Variants in KCNIP4 observed in about 807,000 individuals in gnomAD.
KCNIP4 encodes the protein Kv channel-interacting protein 4.
A neutral mutation model predicts 34.0 loss-of-function variants in KCNIP4; 12 were observed. The observed-to-expected ratio is 0.35, with a 90% CI of 0.23 to 0.57. KCNIP4 has a LOEUF of 0.57. Ranked by LOEUF, KCNIP4 falls within the 20% of genes least tolerant of loss-of-function variation. The probability of loss-of-function intolerance (pLI) is 0.83; values close to 1 mark genes in which losing one functional copy is unlikely to be tolerated. For missense variants in KCNIP4, 238 were observed against 311.7 expected (o/e 0.76, Z 1.78); for synonymous variants, 124 against 102.2 (o/e 1.21, Z -1.29).
chr4:20,846,923 C>T (rs1386993833), intron 3 of KCNIP4, among the ~76,000 whole-genome samples: 1 of 152,122 alleles, frequency 6.6e-6, no homozygotes, highest in African/African-American at 2.4e-5. Flanking sequence ...AGCATAGTAG[C>T]CACTATTTTT....
chr4:21,238,992 A>AACCAAAACAGCATGGTACTGGT (rs1759587276), intron 1 of KCNIP4, among the ~76,000 whole-genome samples: 1 of 152,184 alleles, frequency 6.6e-6, no homozygotes, highest in Admixed American at 6.5e-5. Context: ...AGGCTACAGT[A>AACCAAAACAGCATGGTACTGGT]ACCAAAACAG....
chr4:21,755,483 G>C (rs977754942), intron 1 of KCNIP4, among the ~76,000 whole-genome samples: 3 of 152,082 alleles, frequency 2.0e-5, no homozygotes, highest in African/African-American at 7.2e-5. Flanking sequence ...TTACCCCCGG[G>C]GCAACTGAAA....
At chr4:21,881,918 T>C in intron 1 of KCNIP4, among the ~76,000 whole-genome samples, 1 of 152,130 alleles carries the variant, frequency 6.6e-6, no homozygotes, top group Admixed American at 6.6e-5. Context: ...TCATTTACTA[T>C]AGACCCGTAT....
At chr4:20,830,069 T>A (rs1244439150) in intron 3 of KCNIP4, among the ~76,000 whole-genome samples, 1 of 152,196 alleles carries the variant, frequency 6.6e-6, no homozygotes, top group African/African-American at 2.4e-5. Context: ...TGTCAATCCA[T>A]TCTTCTGAAT....
intron 1 of KCNIP4, among the ~76,000 whole-genome samples, chr4:21,259,489 A>T (rs9998813): frequency 0.18 from 26,828 of 152,060 alleles, 3,775 homozygotes; most frequent in African/African-American, 0.39. Flanking sequence ...TTTTTACACC[A>T]TTTAATCCTA....
chr4:21,420,952 A>T (rs1411604492), intron 1 of KCNIP4, among the ~76,000 whole-genome samples: 4 of 152,210 alleles, frequency 2.6e-5, no homozygotes, highest in African/African-American at 7.2e-5. Flanking sequence ...CAAGATAACA[A>T]AAAGCATGAT....
chr4:21,063,802 T>C (rs538250701), intron 1 of KCNIP4, among the ~76,000 whole-genome samples: 13 of 152,240 alleles, frequency 8.5e-5, no homozygotes, highest in South Asian at 2.1e-4. Context: ...AAGATGGTTA[T>C]TTTAGAGATT....
rs78546331 is a variant in KCNIP4 at position 21,178,691 on chromosome 4, C to T, written c.62-295982G>A. ...ACTGCCTATTCTAAGTGTTTGCTTC[C>T]TCCTGTCCTGTCGTCAGCCATATTT... On this transcript the variant is annotated intron_variant, in intron 1 of 8. Transcript: ENST00000382152. Among the ~76,000 whole-genome samples, 503 of 151,686 alleles carry T rather than the reference C, an allele frequency of 3.3e-3. 4 individuals are homozygous for T. The highest frequency in any genetic ancestry group is 0.011 in the African/African-American group (470 of 41,074).
intron 1 of KCNIP4, among the ~76,000 whole-genome samples, chr4:21,572,109 T>C (rs1212083841): frequency 6.6e-6 from 1 of 152,206 alleles, no homozygotes; most frequent in Admixed American, 6.5e-5. Flanking sequence ...ACATCCTGAT[T>C]GCTGGGGATT....
chr4:21,732,674 T>G (rs6814288), intron 1 of KCNIP4, among the ~76,000 whole-genome samples: 18,109 of 124,368 alleles, frequency 0.15, 3,694 homozygotes, highest in African/African-American at 0.46. Context: ...AGCACTGATC[T>G]GGGGTATTCG....
intron 3 of KCNIP4, among the ~76,000 whole-genome samples, chr4:20,841,857 G>A (rs1578750170): frequency 6.6e-6 from 1 of 152,082 alleles, no homozygotes; most frequent in East Asian, 1.9e-4. Context: ...AGCCACTCTT[G>A]CTCACTCTTG....
intron 1 of KCNIP4, among the ~76,000 whole-genome samples, chr4:21,531,126 T>C (rs1343284908): frequency 6.6e-6 from 1 of 152,184 alleles, no homozygotes; most frequent in Admixed American, 6.5e-5. Flanking sequence ...ATTTGGTTTT[T>C]AGGGAGTCAG....
chr4:20,919,437 C>T (rs1235492327), intron 1 of KCNIP4, among the ~76,000 whole-genome samples: 1 of 151,124 alleles, frequency 6.6e-6, no homozygotes, highest in Non-Finnish European at 1.5e-5. Flanking sequence ...GGCGCGGTGG[C>T]TCATGCCTGT....
At chr4:21,348,159 G>T (rs1717647112) in intron 1 of KCNIP4, among the ~76,000 whole-genome samples, 1 of 152,128 alleles carries the variant, frequency 6.6e-6, no homozygotes, top group Non-Finnish European at 1.5e-5. Context: ...AGCTTGACTG[G>T]TATATCGATT....
At chr4:20,786,527 T>G (rs1712017594) in intron 3 of KCNIP4, among the ~76,000 whole-genome samples, 1 of 152,224 alleles carries the variant, frequency 6.6e-6, no homozygotes, top group Non-Finnish European at 1.5e-5. Flanking sequence ...TTTTCCATAT[T>G]TCTATAATGA....
intron 3 of KCNIP4, among the ~76,000 whole-genome samples, chr4:20,841,575 C>T (rs910962566): frequency 1.3e-5 from 2 of 152,068 alleles, no homozygotes; most frequent in Non-Finnish European, 2.9e-5. Flanking sequence ...TCAGCTCAAC[C>T]TCCACCACAT....
chr4:21,429,567 T>G (rs985822519), intron 1 of KCNIP4, among the ~76,000 whole-genome samples: 1 of 152,202 alleles, frequency 6.6e-6, no homozygotes, highest in Admixed American at 6.5e-5. Context: ...CCCAACTGTC[T>G]TCCAAAGTGG....
chr4:20,839,899 G>C (rs1285923024), intron 3 of KCNIP4, among the ~76,000 whole-genome samples: 1 of 152,136 alleles, frequency 6.6e-6, no homozygotes, highest in Non-Finnish European at 1.5e-5. Flanking sequence ...GCACAGAAAA[G>C]AGTTAGCATA....
chr4:20,882,645 G>A lies in KCNIP4; in HGVS notation c.126C>T (p.Pro42=). 1 of 1,613,710 alleles carries A rather than the reference G, an allele frequency of 6.2e-7. No individual in the cohort carries two copies. The highest frequency in any genetic ancestry group is 1.1e-5 in the South Asian group (1 of 91,074). Reference sequence around the variant, plus strand: ...GAGACGACGTTTTGGCAGCTGAGCAGGGCAAGAGCTTCATGAGCCGCTCTT... The same window carrying A: ...GAGACGACGTTTTGGCAGCTGAGCAAGGCAAGAGCTTCATGAGCCGCTCTT... The part of the protein sequence containing the change: ...SIKERLMKLL[P]CSAAKTSSPA... The change falls in exon 2 of 9, where the codon CCC becomes CCT. Residue 42 remains proline, a synonymous_variant. Transcript: ENST00000382152.
Sources: gnomAD v4.1 joint callset for allele counts (sites outside exome capture counted in the v4.1 genomes callset) on GRCh38, gnomAD v4.1.1 for gene constraint, MANE v1.5 for transcripts, NCBI Gene and HGNC (gene_info 2026-07-23, HGNC 2026-07-21) for gene names.